SLFN11: variants seen among roughly 807,000 people sequenced by gnomAD.
SLFN11 encodes schlafen family member 11.
SLFN11 carries 43 observed loss-of-function variants against 53.4 expected under a neutral mutation model. The observed-to-expected ratio is 0.80, with a 90% CI of 0.63 to 1.04. The LOEUF is 1.04. Ranked by LOEUF, SLFN11 falls within the 50% of genes least tolerant of loss-of-function variation. The probability of loss-of-function intolerance (pLI) is 0.00; values close to 1 mark genes in which losing one functional copy is unlikely to be tolerated. For missense variants in SLFN11, 990 were observed against 1,079.1 expected (o/e 0.92, Z 1.16); for synonymous variants, 389 against 394.7 (o/e 0.99, Z 0.17).
chr17:35,367,884 C>T (rs1396622900), intron 1 of SLFN11, among the ~76,000 whole-genome samples, 184 bp from the exon 2 acceptor site: 2 of 151,666 alleles, frequency 1.3e-5, no homozygotes, highest in Non-Finnish European at 2.9e-5. Context: ...CCCATTTCTC[C>T]CCATGCCCCA....
At chr17:35,355,755 C>G (rs924241967) in intron 5 of SLFN11, among the ~76,000 whole-genome samples, 1 of 152,118 alleles carries the variant, frequency 6.6e-6, no homozygotes, top group African/African-American at 2.4e-5. Flanking sequence ...TCCAGGTGCA[C>G]CAGAGTAGTC....
chr17:35,362,648 G>T, intron 4 of SLFN11, 91 bp downstream of exon 4: 1 of 1,010,508 alleles, frequency 9.9e-7, no homozygotes, highest in Non-Finnish European at 1.4e-6. Flanking sequence ...GATGTAAGAT[G>T]TTCAAAGTCA....
At chr17:35,364,521 T>C (rs992916120) in intron 3 of SLFN11, among the ~76,000 whole-genome samples, 2 of 152,108 alleles carry the variant, frequency 1.3e-5, no homozygotes, top group African/African-American at 4.8e-5. Context: ...ATTAAGGTTA[T>C]TGGTGACTTT....
At chr17:35,356,567 C>T (rs1345002545) in intron 5 of SLFN11, among the ~76,000 whole-genome samples, 1 of 152,078 alleles carries the variant, frequency 6.6e-6, no homozygotes, top group Non-Finnish European at 1.5e-5. Flanking sequence ...CATTCAGCAA[C>T]TACTTTTTTC....
At chr17:35,357,986 G>C (rs1305143851) in intron 5 of SLFN11, among the ~76,000 whole-genome samples, 1 of 146,698 alleles carries the variant, frequency 6.8e-6, no homozygotes, top group Non-Finnish European at 1.5e-5. Flanking sequence ...TTTTCCAGCT[G>C]TTCTTGCTCA....
Position 35,363,248 on chromosome 17 carries a change from G to T in SLFN11, c.560C>A (p.Ser187Ter). The T allele has an allele frequency of 6.2e-7, 1 of 1,614,024 alleles. No homozygotes were observed. The highest frequency in any genetic ancestry group is 8.5e-7 in the Non-Finnish European group (1 of 1,179,972). The change falls in exon 4 of 7, where the codon TCG becomes TAG. Residue 187 changes from serine (S) to a stop codon, truncating the protein, a stop_gained. Coordinates refer to ENST00000685675, the MANE Select transcript of SLFN11 (RefSeq NM_001376007.1). LOFTEE classifies it high-confidence loss of function. Reference protein sequence around the residue: ...LPNSDPADPNSDPADLIFQKD... With the variant: ...LPNSDPADPN ...TTGGAAAATTAGGTCAGCAGGATCCGAGTTTGGGTCAGCAGGATCCGAGTT... is the reference window on the plus strand; with the variant it reads ...TTGGAAAATTAGGTCAGCAGGATCCTAGTTTGGGTCAGCAGGATCCGAGTT...
At chr17:35,353,207 T>C in intron 6 of SLFN11, 68 bp from the exon 7 acceptor site, 2 of 1,591,570 alleles carry the variant, frequency 1.3e-6, no homozygotes, top group Non-Finnish European at 1.7e-6. Flanking sequence ...AATTGTATCA[T>C]GTTCCTCCGA....
In SLFN11 at chr17:35,363,609, C is replaced by T. The variant is rs1364344991; in HGVS notation, c.199G>A (p.Val67Ile). The change falls in exon 4 of 7, where the codon GTT (valine) becomes ATT (isoleucine). Residue 67 changes from valine to isoleucine, a missense_variant. Coordinates refer to ENST00000685675, the MANE Select transcript of SLFN11 (RefSeq NM_001376007.1). ...GGGVIRMAKK[V>I]EHPVEMGLDL... Reference sequence around the variant, plus strand: ...AGTCCCATCTCCACGGGATGCTCAACCTTCTTGGCCATTCGAATCACTCCT... The same window carrying T: ...AGTCCCATCTCCACGGGATGCTCAATCTTCTTGGCCATTCGAATCACTCCT... 1 of 1,613,602 alleles carries T rather than the reference C, an allele frequency of 6.2e-7. No homozygotes were observed.
At position 35,363,827 on chromosome 17, in the gene SLFN11, C is replaced by G. The variant is rs1319407535; in HGVS notation, c.-19-1G>C. On this transcript the variant is annotated splice_acceptor_variant, in intron 3 of 6. Transcript: ENST00000685675. LOFTEE classifies it low-confidence loss of function (5UTR_SPLICE). ...CTCCATGTTGAACTCACAGCTGAAA[C>G]TATTAGAAGAAATGAAGTGTTACAT... 1 of 1,534,832 alleles carries G rather than the reference C, an allele frequency of 6.5e-7. No homozygotes were observed. The highest frequency in any genetic ancestry group is 1.8e-4 in the Middle Eastern group (1 of 5,696).
chr17:35,361,829 C>T (rs1908258539), intron 4 of SLFN11, among the ~76,000 whole-genome samples: 1 of 151,968 alleles, frequency 6.6e-6, no homozygotes, highest in Non-Finnish European at 1.5e-5. Flanking sequence ...ACTGCAACCT[C>T]CTCCTCCCAG....
chr17:35,363,122 C>T lies in SLFN11; in HGVS notation c.686G>A (p.Arg229Lys). Reference sequence around the variant, plus strand: ...TGCAGGGACGTATTCTGGAATTGTCCTTTTTACATATTCTTGGAAGTGTTT... The same window carrying T: ...TGCAGGGACGTATTCTGGAATTGTCTTTTTTACATATTCTTGGAAGTGTTT... ...STKHFQEYVK[R>K]TIPEYVPAFA... Residue 229 changes from arginine to lysine, a missense_variant, in exon 4 of 7, where the codon AGG becomes AAG. Arg to Lys is a conservative substitution (Grantham distance 26, BLOSUM62 2). Transcript: ENST00000685675. The T allele has an allele frequency of 6.2e-7, 1 of 1,613,656 alleles. No homozygotes were observed. The highest frequency in any genetic ancestry group is 8.5e-7 in the Non-Finnish European group (1 of 1,179,894).
In SLFN11 at chr17:35,363,844, G is replaced by T. The variant is rs4796078; in HGVS notation, c.-19-18C>A. 1,509,020 of 1,513,120 alleles carry T rather than the reference G, an allele frequency of 1. 752,545 individuals are homozygous for T. The highest frequency in any genetic ancestry group is 1 in the East Asian group (44,284 of 44,284). The allele number at this position is 1,513,120 out of a possible 1,614,324, so 93.7% of individuals were successfully genotyped here. A position where few individuals can be genotyped will look rare whatever the true frequency, so the allele number is the denominator to read the frequency against. On this transcript the variant is annotated intron_variant, in intron 3 of 6. Coordinates refer to ENST00000685675, the MANE Select transcript of SLFN11 (RefSeq NM_001376007.1). The stretch of plus-strand genomic sequence containing the variant: ...AGCTGAAACTATTAGAAGAAATGAA[G>T]TGTTACATGCATGCAATTCATTTAT...
At chr17:35,371,627 A>G (rs1327947478) in intron 1 of SLFN11, among the ~76,000 whole-genome samples, 1 of 152,096 alleles carries the variant, frequency 6.6e-6, no homozygotes, top group Non-Finnish European at 1.5e-5. Flanking sequence ...CTCTATAGGG[A>G]AAAAAATCTA....
intron 5 of SLFN11, among the ~76,000 whole-genome samples, chr17:35,358,046 T>C (rs1907752409): frequency 1.3e-5 from 2 of 150,202 alleles, no homozygotes; most frequent in African/African-American, 4.9e-5. Flanking sequence ...AATTGATATA[T>C]AAAATAACTT....
In SLFN11 at chr17:35,363,131, T is replaced by C; in HGVS notation, c.677A>G (p.Tyr226Cys). Residue 226 changes from tyrosine to cysteine, a missense_variant, in exon 4 of 7, where the codon TAT becomes TGT. Tyr to Cys is a radical substitution (Grantham distance 194). Around this residue, in one of 3 missense-constraint regions of SLFN11, gnomAD observed 521 missense variants for 516.2 expected, o/e 1.01. Coordinates refer to ENST00000685675, the MANE Select transcript of SLFN11 (RefSeq NM_001376007.1). Reference sequence around the variant, plus strand: ...GTATTCTGGAATTGTCCTTTTTACATATTCTTGGAAGTGTTTTGTAGAGAA... The same window carrying C: ...GTATTCTGGAATTGTCCTTTTTACACATTCTTGGAAGTGTTTTGTAGAGAA... Reference protein sequence around the residue: ...KQFSTKHFQEYVKRTIPEYVP... With the variant: ...KQFSTKHFQECVKRTIPEYVP... The C allele has an allele frequency of 6.2e-7, 1 of 1,613,740 alleles. No individual in the cohort carries two copies. The highest frequency in any genetic ancestry group is 8.5e-7 in the Non-Finnish European group (1 of 1,179,922).
chr17:35,371,136 G>A (rs1294778655), intron 1 of SLFN11, among the ~76,000 whole-genome samples: 1 of 151,958 alleles, frequency 6.6e-6, no homozygotes, highest in Non-Finnish European at 1.5e-5. Context: ...TAGACCAATG[G>A]AACAGAATAG....
chr17:35,365,429 G>T (rs536912203), intron 3 of SLFN11, among the ~76,000 whole-genome samples: 1 of 150,964 alleles, frequency 6.6e-6, no homozygotes, highest in South Asian at 2.1e-4. Context: ...GACTACAGGC[G>T]CACAGCCACT....
At chr17:35,368,077 A>G (rs1909188818) in intron 1 of SLFN11, among the ~76,000 whole-genome samples, 1 of 152,118 alleles carries the variant, frequency 6.6e-6, no homozygotes, top group South Asian at 2.1e-4. Flanking sequence ...AAAACTTTGC[A>G]ATGTCAAATT....
intron 5 of SLFN11, among the ~76,000 whole-genome samples, chr17:35,354,809 C>A (rs1907256561): frequency 6.6e-6 from 1 of 152,114 alleles, no homozygotes; most frequent in East Asian, 1.9e-4. Context: ...AATTGTTGTC[C>A]TGTTGTGGTA....
Sources: gnomAD v4.1 joint callset for allele counts (sites outside exome capture counted in the v4.1 genomes callset) on GRCh38, gnomAD v4.1.1 for gene constraint, gnomAD v4.1.1 regional missense constraint, MANE v1.5 for transcripts, NCBI Gene and HGNC (gene_info 2026-07-23, HGNC 2026-07-21) for gene names.